ZEB2: variants seen among roughly 807,000 people sequenced by gnomAD.
The protein encoded by ZEB2 is zinc finger E-box binding homeobox 2.
A neutral mutation model predicts 99.9 loss-of-function variants in ZEB2; 6 were observed. The observed-to-expected ratio is 0.06, with a 90% CI of 0.03 to 0.12. ZEB2 has a LOEUF of 0.12. Among genes scored for constraint, ZEB2 ranks in the 10% least tolerant of loss-of-function variants. ZEB2 has a pLI of 1.00. For missense variants in ZEB2, 969 were observed against 1,502.8 expected (o/e 0.64, Z 5.87); for synonymous variants, 517 against 542.5 (o/e 0.95, Z 0.65).
intron 2 of ZEB2, among the ~76,000 whole-genome samples, chr2:144,440,400 A>G (rs1300375194): frequency 6.6e-6 from 1 of 151,670 alleles, no homozygotes; most frequent in African/African-American, 2.4e-5. Context: ...GGCCTGCTCT[A>G]TACATTTACA....
chr2:144,439,903 T>A (rs1279341930), intron 2 of ZEB2, among the ~76,000 whole-genome samples: 1 of 152,238 alleles, frequency 6.6e-6, no homozygotes, highest in Non-Finnish European at 1.5e-5. Context: ...GAATCTTTTT[T>A]TTCCTTCCCC....
chr2:144,443,459 A>T (rs1242483372), intron 2 of ZEB2, among the ~76,000 whole-genome samples: 2 of 152,180 alleles, frequency 1.3e-5, no homozygotes, highest in Non-Finnish European at 1.5e-5. Flanking sequence ...TGATACTGTA[A>T]ATTTATTATA....
chr2:144,427,262 C>T (rs1194132135), intron 3 of ZEB2: 1 of 152,190 alleles, frequency 6.6e-6, no homozygotes, highest in Admixed American at 6.5e-5. Flanking sequence ...CTGTGTCCAC[C>T]CCATTGTGGG....
chr2:144,489,753 G>A (rs1704650114), intron 2 of ZEB2, among the ~76,000 whole-genome samples: 1 of 152,156 alleles, frequency 6.6e-6, no homozygotes, highest in Non-Finnish European at 1.5e-5. Context: ...AACAGGGCAC[G>A]TTCGTTTACA....
chr2:144,472,034 A>G (rs1465721561), intron 2 of ZEB2, among the ~76,000 whole-genome samples: 1 of 152,150 alleles, frequency 6.6e-6, no homozygotes. Flanking sequence ...TTTCTGAAAA[A>G]TAAATCTCAT....
At chr2:144,513,931 A>G in intron 2 of ZEB2, 2 of 1,465,956 alleles carry the variant, frequency 1.4e-6, no homozygotes, top group Non-Finnish European at 1.8e-6. Flanking sequence ...ACTTTCTTGA[A>G]ACCGACACAC....
At position 144,517,222 on chromosome 2, in the gene ZEB2, C is replaced by T. The variant is rs950433733; in HGVS notation, c.73+56G>A. On this transcript the variant is annotated intron_variant, in intron 2 of 9. Transcript: ENST00000627532. ...CCTTTTCCCTTTCCCCCTCCTTCTCCCTGGGTCTCGAGCCGCGTAGTGGCC... is the reference window on the plus strand; with the variant it reads ...CCTTTTCCCTTTCCCCCTCCTTCTCTCTGGGTCTCGAGCCGCGTAGTGGCC... The T allele has an allele frequency of 3.7e-6, 6 of 1,608,084 alleles. No homozygotes were observed. The African/African-American group carries it at 4.0e-5, about 11-fold the overall frequency.
At chr2:144,493,977 C>G (rs1234344480) in intron 2 of ZEB2, among the ~76,000 whole-genome samples, 1 of 151,694 alleles carries the variant, frequency 6.6e-6, no homozygotes, top group African/African-American at 2.4e-5. Flanking sequence ...ACAGTGAAAC[C>G]CTGTCTCTAC....
intron 2 of ZEB2, chr2:144,512,372 T>C (rs2149931353): frequency 4.7e-6 from 6 of 1,287,232 alleles, no homozygotes; most frequent in Non-Finnish European, 6.1e-6. Flanking sequence ...GCGGCACTGC[T>C]AGAGGCTAGC....
At chr2:144,479,076 T>A (rs759210006) in intron 2 of ZEB2, among the ~76,000 whole-genome samples, 1 of 152,224 alleles carries the variant, frequency 6.6e-6, no homozygotes, top group Non-Finnish European at 1.5e-5. Flanking sequence ...TCAAACGTCA[T>A]TTCCAACTTA....
intron 2 of ZEB2, chr2:144,513,414 C>T: frequency 7.2e-7 from 1 of 1,389,200 alleles, no homozygotes; most frequent in Non-Finnish European, 9.5e-7. Flanking sequence ...GTCCCCAACC[C>T]TTTAGTGGAA....
At chr2:144,477,395 G>C (rs997406508) in intron 2 of ZEB2, among the ~76,000 whole-genome samples, 20 of 152,250 alleles carry the variant, frequency 1.3e-4, no homozygotes, top group African/African-American at 4.8e-4. Context: ...ATTGGTTTCT[G>C]CATAATTTTT....
intron 1 of ZEB2, among the ~76,000 whole-genome samples, chr2:144,519,145 A>G (rs754633305): frequency 6.6e-6 from 1 of 152,156 alleles, no homozygotes; most frequent in Non-Finnish European, 1.5e-5. Flanking sequence ...TATTAAATCC[A>G]TGTCTATATT....
At chr2:144,411,360 G>C (rs1033378745) in intron 4 of ZEB2, among the ~76,000 whole-genome samples, 3 of 151,938 alleles carry the variant, frequency 2.0e-5, no homozygotes, top group Non-Finnish European at 4.4e-5. Context: ...GTAGTCATTT[G>C]TATTGAGTTT....
intron 2 of ZEB2, among the ~76,000 whole-genome samples, chr2:144,481,431 T>G (rs1704509741): frequency 6.6e-6 from 1 of 152,226 alleles, no homozygotes; most frequent in Non-Finnish European, 1.5e-5. Context: ...GGAAATTGTA[T>G]TTCTAAAGCC....
intron 2 of ZEB2, among the ~76,000 whole-genome samples, chr2:144,500,169 A>G (rs1192449528): frequency 6.6e-6 from 1 of 152,170 alleles, no homozygotes; most frequent in African/African-American, 2.4e-5. Flanking sequence ...CTCAATTTCC[A>G]ATGCTAATTA....
chr2:144,516,793 C>G (rs1336122323), intron 2 of ZEB2: 1 of 151,976 alleles, frequency 6.6e-6, no homozygotes, highest in Non-Finnish European at 1.5e-5. Flanking sequence ...AACTTTAAGC[C>G]TCGCTGAGGC....
At chr2:144,445,909 T>G (rs74677212) in intron 2 of ZEB2, among the ~76,000 whole-genome samples, 2,587 of 152,274 alleles carry the variant, frequency 0.017, 44 homozygotes, top group Non-Finnish European at 0.026. Context: ...TCTCAGACAG[T>G]TATTAAATTG....
chr2:144,454,484 G>C (rs1050336033), intron 2 of ZEB2, among the ~76,000 whole-genome samples: 15 of 152,142 alleles, frequency 9.9e-5, no homozygotes, highest in African/African-American at 2.9e-4. Flanking sequence ...GAGGACGCTT[G>C]CTATCACTAG....
Sources: allele counts gnomAD v4.1 joint callset (sites outside exome capture counted in the v4.1 genomes callset), GRCh38; gene constraint gnomAD v4.1.1; transcripts MANE v1.5; gene names NCBI Gene and HGNC (gene_info 2026-07-23, HGNC 2026-07-21).